EDA: variants seen among roughly 807,000 people sequenced by gnomAD.
EDA encodes the protein ectodysplasin A.
EDA carries 2 observed loss-of-function variants against 23.6 expected under a neutral mutation model. That is an observed-to-expected ratio of 0.08 (90% CI 0.03 to 0.27). The LOEUF is 0.27. Ranked by LOEUF, EDA falls within the 10% of genes least tolerant of loss-of-function variation. The pLI is 1.00. For missense variants in EDA, 229 were observed against 324.2 expected (o/e 0.71, Z 2.26); for synonymous variants, 131 against 132.0 (o/e 0.99, Z 0.05).
At chrX:69,792,819 ATTTG>A (rs1471110468) in intron 1 of EDA, among the ~76,000 whole-genome samples, 2 of 111,412 alleles carry the variant, frequency 1.8e-5, no homozygotes, top group Non-Finnish European at 3.8e-5. Context: ...TGATGGGATT[ATTTG>A]TTCTTTTCTT....
intron 1 of EDA, among the ~76,000 whole-genome samples, chrX:69,714,695 A>G (rs892602461): frequency 9.0e-6 from 1 of 111,535 alleles, no homozygotes; most frequent in African/African-American, 3.3e-5. Context: ...TTAGTCATGC[A>G]TATTTATATG....
intron 1 of EDA, among the ~76,000 whole-genome samples, chrX:69,794,666 A>G (rs2015499662): frequency 8.9e-6 from 1 of 112,516 alleles, no homozygotes; most frequent in Non-Finnish European, 1.9e-5. Flanking sequence ...TGCAGTAGAT[A>G]AGGTGAGATG....
At chrX:69,740,034 A>G (rs955162256) in intron 1 of EDA, among the ~76,000 whole-genome samples, 1 of 111,208 alleles carries the variant, frequency 9.0e-6, no homozygotes, top group Non-Finnish European at 1.9e-5. Context: ...ACTTGCTATC[A>G]TTGCCTTACT....
At chrX:69,776,493 C>T (rs774704297) in intron 1 of EDA, among the ~76,000 whole-genome samples, 77 of 111,717 alleles carry the variant, frequency 6.9e-4, no homozygotes, top group Non-Finnish European at 8.7e-4. Flanking sequence ...CATGCCTTTG[C>T]TCCTCCTCTG....
chrX:69,644,405 C>T (rs1245669098), intron 1 of EDA, among the ~76,000 whole-genome samples: 1 of 110,817 alleles, frequency 9.0e-6, no homozygotes, highest in African/African-American at 3.3e-5. Context: ...TGGCTCTCTG[C>T]TTGCCTGTTG....
At chrX:69,961,031 AAAAGAAAG>A (rs775572359) in intron 2 of EDA, among the ~76,000 whole-genome samples, 10 of 103,722 alleles carry the variant, frequency 9.6e-5, no homozygotes, top group Non-Finnish European at 1.6e-4. Context: ...AAAAGAAAAA[AAAAGAAAG>A]AAAGAAAGAA....
At chrX:69,855,032 G>A (rs1244739843) in intron 1 of EDA, among the ~76,000 whole-genome samples, 2 of 111,428 alleles carry the variant, frequency 1.8e-5, no homozygotes, top group African/African-American at 6.5e-5. Flanking sequence ...ACATGTCATT[G>A]TGGTTTTGAT....
At position 69,920,674 on chromosome X, in the gene EDA, C is replaced by T. The variant is rs1411409811; in HGVS notation, c.397-36353C>T. On this transcript the variant is annotated intron_variant, in intron 1 of 7. Transcript: ENST00000374552. ...TAGCAAAGGTACATACTATCTTCAACTTGGGGAAGCTGATTGAAAAAAAAA... is the reference window on the plus strand; with the variant it reads ...TAGCAAAGGTACATACTATCTTCAATTTGGGGAAGCTGATTGAAAAAAAAA... 3.7e-5 allele frequency among the ~76,000 whole-genome samples: 4 copies of T among 109,425 alleles called. No individual in the cohort carries two copies. The Admixed American group carries it at 3.9e-4, about 11-fold the overall frequency.
At chrX:69,753,785 T>C (rs895113196) in intron 1 of EDA, among the ~76,000 whole-genome samples, 2 of 111,942 alleles carry the variant, frequency 1.8e-5, no homozygotes, top group Non-Finnish European at 3.8e-5. Flanking sequence ...ATATTTAGGA[T>C]AGTTGGCTCT....
chrX:69,900,680 C>A (rs777554211), intron 1 of EDA, among the ~76,000 whole-genome samples: 1 of 110,522 alleles, frequency 9.0e-6, no homozygotes, highest in East Asian at 2.9e-4. Context: ...ATAGTCTAAT[C>A]ACACAAGCTA....
At chrX:69,795,864 C>T (rs182142546) in intron 1 of EDA, among the ~76,000 whole-genome samples, 1 of 112,324 alleles carries the variant, frequency 8.9e-6, no homozygotes, top group Non-Finnish European at 1.9e-5. Flanking sequence ...CCACCTGGCC[C>T]AGCTCCGCCC....
intron 2 of EDA, among the ~76,000 whole-genome samples, chrX:70,013,225 C>T (rs1043857566): frequency 4.5e-5 from 5 of 111,357 alleles, no homozygotes; most frequent in African/African-American, 6.5e-5. Flanking sequence ...GCAGCGGTAT[C>T]GCCCTTACTG....
At chrX:69,649,015 T>C (rs1771539441) in intron 1 of EDA, among the ~76,000 whole-genome samples, 1 of 111,584 alleles carries the variant, frequency 9.0e-6, no homozygotes, top group Non-Finnish European at 1.9e-5. Flanking sequence ...TTCCTTTGGC[T>C]GCATGTCACT....
At chrX:69,713,682 T>C (rs2012189139) in intron 1 of EDA, among the ~76,000 whole-genome samples, 1 of 112,010 alleles carries the variant, frequency 8.9e-6, no homozygotes, top group Non-Finnish European at 1.9e-5. Context: ...ATCCAAATTG[T>C]TGTGTGTATT....
intron 1 of EDA, among the ~76,000 whole-genome samples, chrX:69,641,784 G>A (rs768459664): frequency 9.0e-6 from 1 of 111,354 alleles, no homozygotes; most frequent in Non-Finnish European, 1.9e-5. Context: ...ACTCTCATGG[G>A]TACATTCTAT....
At chrX:69,798,631 C>T (rs2147483078) in intron 1 of EDA, among the ~76,000 whole-genome samples, 1 of 110,633 alleles carries the variant, frequency 9.0e-6, no homozygotes, top group East Asian at 2.8e-4. Context: ...AAAACGGAAA[C>T]ACAATATACC....
At chrX:69,951,322 C>A (rs1349617787) in intron 1 of EDA, among the ~76,000 whole-genome samples, 2 of 111,599 alleles carry the variant, frequency 1.8e-5, no homozygotes, top group Non-Finnish European at 3.8e-5. Flanking sequence ...GTAGCCCCCA[C>A]TTCATAATCA....
intron 2 of EDA, among the ~76,000 whole-genome samples, chrX:69,990,030 C>T (rs2019562209): frequency 1.0e-5 from 1 of 100,028 alleles, no homozygotes; most frequent in Non-Finnish European, 2.0e-5. Flanking sequence ...TCATATAATT[C>T]TATCATCTCT....
chrX:69,697,842 T>C (rs1420857932), intron 1 of EDA, among the ~76,000 whole-genome samples: 2 of 112,324 alleles, frequency 1.8e-5, no homozygotes, highest in African/African-American at 6.5e-5. Context: ...CTAGAACTGC[T>C]TTTTTGTTAT....
Sources: gnomAD v4.1 joint callset for allele counts (sites outside exome capture counted in the v4.1 genomes callset) on GRCh38, gnomAD v4.1.1 for gene constraint, MANE v1.5 for transcripts, NCBI Gene and HGNC (gene_info 2026-07-23, HGNC 2026-07-21) for gene names.